Variants in CCDC60 observed in about 807,000 individuals in gnomAD.
CCDC60 encodes the protein coiled-coil domain containing 60.
In CCDC60, 54 loss-of-function variants were observed where a neutral mutation model predicts 63.5. That is an observed-to-expected ratio of 0.85 (90% CI 0.68 to 1.07). The LOEUF (loss-of-function observed/expected upper bound fraction) is 1.07, where lower values mean the gene tolerates loss of function less well. Among genes scored for constraint, CCDC60 ranks in the 50% least tolerant of loss-of-function variants. The pLI, the probability that CCDC60 is intolerant of heterozygous loss-of-function variation, is 0.00. For missense variants in CCDC60, 651 were observed against 684.3 expected (o/e 0.95, Z 0.54); for synonymous variants, 206 against 238.8 (o/e 0.86, Z 1.27).
intron 2 of CCDC60, among the ~76,000 whole-genome samples, chr12:119,437,825 T>G (rs992437414): frequency 6.6e-6 from 1 of 152,188 alleles, no homozygotes; most frequent in African/African-American, 2.4e-5. Flanking sequence ...TTGTTCAATA[T>G]CTTGGAAGCA....
chr12:119,526,081 A>G (rs569258786), intron 11 of CCDC60, among the ~76,000 whole-genome samples: 2 of 152,338 alleles, frequency 1.3e-5, no homozygotes, highest in African/African-American at 4.8e-5. Flanking sequence ...AGACTGATAG[A>G]ACAGAACAGA....
rs531200703 is a variant in CCDC60, at chr12:119,526,652, AT to A, written c.1230-1959del. 6.7e-3 allele frequency among the ~76,000 whole-genome samples: 1,020 copies of A among 152,370 alleles called. 7 individuals are homozygous for A. Among genetic ancestry groups the A allele is most frequent in the African/African-American group, 0.024 (988 of 41,586 alleles). ...GGCATACATTGTGGCCAAGAAGCAT[AT>A]TTTAAAAAGCTCAACATCACTGATC... On this transcript the variant is annotated intron_variant, in intron 11 of 13. Transcript: ENST00000327554.
intron 7 of CCDC60, among the ~76,000 whole-genome samples, chr12:119,511,586 C>T (rs1952215859): frequency 6.6e-6 from 1 of 152,232 alleles, no homozygotes; most frequent in South Asian, 2.1e-4. Context: ...TCTATTCCCC[C>T]TCCCCAAAAA....
intron 11 of CCDC60, chr12:119,524,365 A>G (rs1952620983): frequency 2.6e-6 from 2 of 773,950 alleles, no homozygotes; most frequent in African/African-American, 1.9e-5. Context: ...CCCTGTTCTG[A>G]TAACCCAATA....
intron 1 of CCDC60, among the ~76,000 whole-genome samples, chr12:119,379,032 A>G (rs1402097275): frequency 1.1e-4 from 16 of 152,200 alleles, no homozygotes; most frequent in Admixed American, 1.0e-3. Flanking sequence ...TTCTCCACTC[A>G]TTCTGGAAGC....
At chr12:119,508,068 G>A (rs1952103263) in intron 7 of CCDC60, among the ~76,000 whole-genome samples, 1 of 152,112 alleles carries the variant, frequency 6.6e-6, no homozygotes, top group Admixed American at 6.6e-5. Context: ...CTACTTGGGA[G>A]GCTGAGGTCG....
At chr12:119,459,945 A>G (rs1271666470) in intron 2 of CCDC60, among the ~76,000 whole-genome samples, 2 of 152,198 alleles carry the variant, frequency 1.3e-5, no homozygotes, top group Non-Finnish European at 2.9e-5. Flanking sequence ...TCTCTATTGC[A>G]ATAATGCTAT....
intron 1 of CCDC60, among the ~76,000 whole-genome samples, chr12:119,345,858 C>T (rs1955586680): frequency 6.6e-6 from 1 of 151,816 alleles, no homozygotes; most frequent in Non-Finnish European, 1.5e-5. Context: ...CACTCTGTCA[C>T]CCTGGCTGGA....
chr12:119,403,077 G>T (rs144852355), intron 1 of CCDC60, among the ~76,000 whole-genome samples: 3 of 152,314 alleles, frequency 2.0e-5, no homozygotes, highest in South Asian at 2.1e-4. Context: ...TCTCAGGCAG[G>T]CTTTACCAAG....
intron 1 of CCDC60, among the ~76,000 whole-genome samples, chr12:119,419,764 C>T (rs1375096288): frequency 5.3e-5 from 8 of 152,098 alleles, no homozygotes; most frequent in Admixed American, 2.0e-4. Flanking sequence ...AGGACTTGCT[C>T]GTCTCCCCAG....
rs59806112 is a variant in CCDC60 at position 119,507,613 on chromosome 12, TA to T, written c.883+2311del. On this transcript the variant is annotated intron_variant, in intron 7 of 13. Coordinates refer to ENST00000327554, the MANE Select transcript of CCDC60 (RefSeq NM_178499.5). ...ATACATATATATATATATATATATATATTTTTTTTTTTTTTTTCTAGAAACA... is the reference window on the plus strand; with the variant it reads ...ATACATATATATATATATATATATATTTTTTTTTTTTTTTTTCTAGAAACA... 1.3e-3 allele frequency among the ~76,000 whole-genome samples: 47 copies of T among 37,258 alleles called. 5 individuals carry two copies. The highest frequency in any genetic ancestry group is 4.1e-3 in the East Asian group (4 of 978). 24.4% of individuals were successfully genotyped at this position (37,258 alleles called of 152,430 possible).
At chr12:119,504,993 C>G in intron 6 of CCDC60, 76 bp from the exon 7 acceptor site, 6 of 1,117,412 alleles carry the variant, frequency 5.4e-6, no homozygotes, top group Non-Finnish European at 7.7e-6. Context: ...CCACCTTCCT[C>G]CTTCCCTCCT....
intron 1 of CCDC60, among the ~76,000 whole-genome samples, chr12:119,356,137 C>CT (rs753944669): frequency 1.6e-3 from 251 of 152,344 alleles, no homozygotes; most frequent in Non-Finnish European, 2.6e-3. Context: ...AGTACAAACT[C>CT]TATTTAAAAT....
At chr12:119,354,513 G>T (rs1460623210) in intron 1 of CCDC60, among the ~76,000 whole-genome samples, 2 of 152,192 alleles carry the variant, frequency 1.3e-5, no homozygotes, top group East Asian at 3.8e-4. Context: ...TACAGTTTCA[G>T]TTAAGGGTCT....
At chr12:119,354,265 G>A (rs117446313) in intron 1 of CCDC60, among the ~76,000 whole-genome samples, 1,697 of 152,168 alleles carry the variant, frequency 0.011, 12 homozygotes, top group Non-Finnish European at 0.015. Flanking sequence ...TGTTCATTTG[G>A]ACATCAAGGA....
In CCDC60 at chr12:119,470,345, T is replaced by G. The variant is rs147005354; in HGVS notation, c.171-1649T>G. Among the ~76,000 whole-genome samples the G allele has an allele frequency of 4.9e-4, 74 of 152,352 alleles. 1 individual carries two copies. The Middle Eastern group carries it at 0.014, about 28-fold the overall frequency. Reference sequence around the variant, plus strand: ...CTCCTTGGGGGGTAAATGTTTTATCTTATTGCTTTGTGCAGCCCCAGTCCC... The same window carrying G: ...CTCCTTGGGGGGTAAATGTTTTATCGTATTGCTTTGTGCAGCCCCAGTCCC... On this transcript the variant is annotated intron_variant, in intron 2 of 13. Transcript: ENST00000327554.
At position 119,420,369 on chromosome 12, in the gene CCDC60, TA is replaced by T. The variant is rs1956790679; in HGVS notation, c.91-8313del. ...CCACCAAAATGGAGTATTATTCAGC[TA>T]CAAAAAAAAGAGTGAGATCCAGTTA... On this transcript the variant is annotated intron_variant, in intron 1 of 13. Coordinates refer to ENST00000327554, the MANE Select transcript of CCDC60 (RefSeq NM_178499.5). The surrounding 1 kb of genome is among the most constrained non-coding windows in gnomAD (Gnocchi z 4.1). Among the ~76,000 whole-genome samples the T allele has an allele frequency of 6.6e-6, 1 of 151,942 alleles. No homozygotes were observed. The highest frequency in any genetic ancestry group is 1.5e-5 in the Non-Finnish European group (1 of 67,974).
intron 2 of CCDC60, among the ~76,000 whole-genome samples, chr12:119,443,885 T>G (rs563799329): frequency 1.3e-5 from 2 of 152,334 alleles, no homozygotes; most frequent in African/African-American, 2.4e-5. Context: ...TAATAAAGTC[T>G]GCCTCACAGG....
At chr12:119,461,311 G>A (rs940048229) in intron 2 of CCDC60, among the ~76,000 whole-genome samples, 6 of 152,092 alleles carry the variant, frequency 3.9e-5, no homozygotes, top group Admixed American at 1.3e-4. Flanking sequence ...TGAAGGGGTT[G>A]TGATTCAGAG....
Sources: gnomAD v4.1 joint callset for allele counts (sites outside exome capture counted in the v4.1 genomes callset) on GRCh38, gnomAD v4.1.1 for gene constraint, Gnocchi (gnomAD v3.1) non-coding constraint, MANE v1.5 for transcripts, NCBI Gene and HGNC (gene_info 2026-07-23, HGNC 2026-07-21) for gene names.